PHACTR2: variants seen among roughly 807,000 people sequenced by gnomAD.
PHACTR2 encodes chromosome 6 open reading frame 56.
Under a neutral mutation model 76.0 loss-of-function variants are expected in PHACTR2, and 30 were observed. The ratio of observed to expected loss-of-function variants is 0.39; its 90% CI spans 0.30 to 0.54. The LOEUF is 0.54. Among genes scored for constraint, PHACTR2 ranks in the 20% least tolerant of loss-of-function variants. The pLI, the probability that PHACTR2 is intolerant of heterozygous loss-of-function variation, is 0.61. For synonymous variants in PHACTR2, 292 were observed against 292.5 expected, an observed-to-expected ratio of 1.00 and a Z score of 0.02; for missense variants, 696 against 781.1, an observed-to-expected ratio of 0.89 and a Z score of 1.30.
intron 1 of PHACTR2, among the ~76,000 whole-genome samples, chr6:143,630,147 A>T (rs1363416051): frequency 1.3e-5 from 2 of 151,438 alleles, no homozygotes; most frequent in Non-Finnish European, 2.9e-5. Context: ...CATAATTATA[A>T]TTCATAATAT....
rs1456133154 is a variant in PHACTR2 at position 143,782,747 on chromosome 6, A to G, written c.1646-472A>G. Among the ~76,000 whole-genome samples, 1 of 152,222 alleles carries G rather than the reference A, an allele frequency of 6.6e-6. No individual in the cohort carries two copies. The highest frequency in any genetic ancestry group is 6.5e-5 in the Admixed American group (1 of 15,284). On this transcript the variant is annotated intron_variant, in intron 9 of 12. Transcript: ENST00000440869. The surrounding 1 kb of genome is among the most constrained non-coding windows in gnomAD (Gnocchi z 4.6). ...ATATTTTGGTTGGATTTGAGTGGAA[A>G]TCAGCAGCTCAGACATGCATCGGAT... is the stretch of plus-strand genomic sequence containing the variant.
rs1034287254 is a variant in PHACTR2 at position 143,689,075 on chromosome 6, G to A, written c.46+10866G>A. ...TCAGTCCCACCCATGGACCTTGGCCGTTGCTGCACCCTGTTTGAGACACTC... is the reference window on the plus strand; with the variant it reads ...TCAGTCCCACCCATGGACCTTGGCCATTGCTGCACCCTGTTTGAGACACTC... On this transcript the variant is annotated intron_variant, in intron 1 of 12. Coordinates refer to ENST00000440869, the MANE Select transcript of PHACTR2 (RefSeq NM_001100164.2). This position sits in a 1 kb window ranked among gnomAD's most constrained non-coding sequence, Gnocchi z 4.4. 1.3e-5 allele frequency among the ~76,000 whole-genome samples: 2 copies of A among 152,046 alleles called. No homozygotes were observed. The highest frequency in any genetic ancestry group is 2.9e-5 in the Non-Finnish European group (2 of 68,006).
intron 1 of PHACTR2, among the ~76,000 whole-genome samples, chr6:143,636,400 T>A (rs1218092841): frequency 1.3e-5 from 2 of 152,208 alleles, no homozygotes; most frequent in Non-Finnish European, 2.9e-5. Context: ...AATTTTCTGA[T>A]TCATTTGAAG....
At chr6:143,577,522 G>A (rs911615673) in intron 1 of PHACTR2, among the ~76,000 whole-genome samples, 3 of 152,194 alleles carry the variant, frequency 2.0e-5, no homozygotes, top group Non-Finnish European at 4.4e-5. Context: ...CAGGAGAAAT[G>A]TGATGAGCAG....
intron 1 of PHACTR2, among the ~76,000 whole-genome samples, chr6:143,685,030 T>C (rs141835018): frequency 9.9e-5 from 15 of 152,270 alleles, no homozygotes; most frequent in Admixed American, 9.8e-4. Context: ...ATGTCTATCA[T>C]ATATTTTAAC....
chr6:143,587,550 C>G (rs9496684), intron 1 of PHACTR2, among the ~76,000 whole-genome samples: 7 of 151,798 alleles, frequency 4.6e-5, no homozygotes. Flanking sequence ...ATTCTTGGGG[C>G]AAGTGGAATG....
chr6:143,734,251 C>G (rs1158877491), intron 2 of PHACTR2, among the ~76,000 whole-genome samples: 1 of 152,116 alleles, frequency 6.6e-6, no homozygotes, highest in Non-Finnish European at 1.5e-5. Context: ...TTAGAATAGC[C>G]CAGCTGCACA....
At chr6:143,665,993 G>C (rs1562263427) in intron 1 of PHACTR2, among the ~76,000 whole-genome samples, 1 of 152,062 alleles carries the variant, frequency 6.6e-6, no homozygotes, top group Non-Finnish European at 1.5e-5. Context: ...ATCTACATTA[G>C]GTATTTATCC....
intron 2 of PHACTR2, among the ~76,000 whole-genome samples, chr6:143,729,357 C>A (rs928701746): frequency 4.6e-5 from 7 of 152,096 alleles, no homozygotes; most frequent in Non-Finnish European, 1.0e-4. Context: ...ATGAAATCCA[C>A]CGTATCAGCT....
rs1775034736 is a variant in PHACTR2 at position 143,548,062 on chromosome 6, C to A, written c.217+10855C>A. 6.6e-6 allele frequency among the ~76,000 whole-genome samples: 1 copy of A among 152,086 alleles called. No individual in the cohort carries two copies. Among genetic ancestry groups the A allele is most frequent in the African/African-American group, 2.4e-5 (1 of 41,418 alleles). Reference sequence around the variant, plus strand: ...GCTTATAAATAAGAGAAGTTTATTTCTCTTATTATGTCTCACAGTTCTGGA... The same window carrying A: ...GCTTATAAATAAGAGAAGTTTATTTATCTTATTATGTCTCACAGTTCTGGA... On this transcript the variant is annotated intron_variant, in intron 1 of 11. Coordinates refer to the PHACTR2 transcript ENST00000367584. This position sits in a 1 kb window ranked among gnomAD's most constrained non-coding sequence, Gnocchi z 4.5.
rs577904476 is a variant in PHACTR2, at chr6:143,654,141, A to G, written c.13+45819A>G. ...GCATCATTAACCATCAGGGAAATAC[A>G]AATCAAAACCACAAGAGACCACTTT... On this transcript the variant is annotated intron_variant, in intron 1 of 11. Coordinates refer to the PHACTR2 transcript ENST00000305766. The surrounding 1 kb of genome is among the most constrained non-coding windows in gnomAD (Gnocchi z 4.6). Among the ~76,000 whole-genome samples, 22 of 152,388 alleles carry G rather than the reference A, an allele frequency of 1.4e-4. No homozygotes were observed. Among genetic ancestry groups the G allele is most frequent in the African/African-American group, 5.3e-4 (22 of 41,600 alleles).
At position 143,580,556 on chromosome 6, in the gene PHACTR2, C is replaced by T. The variant is rs971033701; in HGVS notation, c.217+43349C>T. ...GGCGTGGTGGCACACACCTGTAATC[C>T]CAGCTACTTGGGAGGCTGAGGCAGG... On this transcript the variant is annotated intron_variant, in intron 1 of 11. Coordinates refer to the PHACTR2 transcript ENST00000367584. The surrounding 1 kb of genome is among the most constrained non-coding windows in gnomAD (Gnocchi z 4.2). 1.3e-5 allele frequency among the ~76,000 whole-genome samples: 2 copies of T among 151,992 alleles called. No homozygotes were observed. Among genetic ancestry groups the T allele is most frequent in the African/African-American group, 4.8e-5 (2 of 41,380 alleles).
rs1007642128 is a variant in PHACTR2, at chr6:143,819,436, T to C, written c.1923-4238T>C. Among the ~76,000 whole-genome samples, 16 of 152,266 alleles carry C rather than the reference T, an allele frequency of 1.1e-4. No individual in the cohort carries two copies. Among genetic ancestry groups the C allele is most frequent in the Admixed American group, 1.0e-3 (16 of 15,290 alleles). On this transcript the variant is annotated intron_variant, in intron 12 of 12. Transcript: ENST00000440869. This position sits in a 1 kb window ranked among gnomAD's most constrained non-coding sequence, Gnocchi z 5.0. ...ACAAAACCAATAAGATATATGTATA[T>C]AGATATATGAGAGGGGATTTATTAG...
At position 143,761,244 on chromosome 6, in the gene PHACTR2, T is replaced by C. The variant is rs1258678464; in HGVS notation, c.694+604T>C. ...CACTCTCAGTGTTCCACACCTCCCC[T>C]GTAGACTTGTGTGTTCTAAGGCAAA... is the stretch of plus-strand genomic sequence containing the variant. On this transcript the variant is annotated intron_variant, in intron 5 of 12. Coordinates refer to ENST00000440869, the MANE Select transcript of PHACTR2 (RefSeq NM_001100164.2). This position sits in a 1 kb window ranked among gnomAD's most constrained non-coding sequence, Gnocchi z 5.2. Among the ~76,000 whole-genome samples, 2 of 152,210 alleles carry C rather than the reference T, an allele frequency of 1.3e-5. No homozygotes were observed. Among genetic ancestry groups the C allele is most frequent in the Non-Finnish European group, 1.5e-5 (1 of 68,028 alleles).
chr6:143,666,888 C>T (rs964516213), intron 1 of PHACTR2, among the ~76,000 whole-genome samples: 1 of 152,180 alleles, frequency 6.6e-6, no homozygotes, highest in South Asian at 2.1e-4. Flanking sequence ...TTAATTAGAT[C>T]CCATTTGTCA....
chr6:143,771,213 T>TATAC (rs1562300929), intron 6 of PHACTR2, among the ~76,000 whole-genome samples: 5 of 98,146 alleles, frequency 5.1e-5, no homozygotes, highest in African/African-American at 2.3e-4. Context: ...TATATATATA[T>TATAC]ATATATATAT....
In PHACTR2 at chr6:143,678,244, C is replaced by T; in HGVS notation, c.46+35C>T. On this transcript the variant is annotated intron_variant, in intron 1 of 12. Transcript: ENST00000440869. This position sits in a 1 kb window ranked among gnomAD's most constrained non-coding sequence, Gnocchi z 6.2. ...GGGCGCACGCGATGCGCTCCCGCCG[C>T]GCGGGCGCAGGGCTGGCGGCGGGGC... 6.9e-7 allele frequency: 1 copy of T among 1,459,424 alleles called. No homozygotes were observed. The highest frequency in any genetic ancestry group is 9.0e-7 in the Non-Finnish European group (1 of 1,107,342). 90.4% of individuals were successfully genotyped at this position (1,459,424 alleles called of 1,614,324 possible).
rs866626934 is a variant in PHACTR2 at position 143,790,743 on chromosome 6, A to G, written c.1845+1833A>G. On this transcript the variant is annotated intron_variant, in intron 11 of 12. Transcript: ENST00000440869. ...GGCTGGAGTGCTGTGGCTCGATCTC[A>G]GCTCACTGCAAGCTCCACCTCCTGT... Among the ~76,000 whole-genome samples the G allele has an allele frequency of 8.7e-5, 13 of 148,596 alleles. No individual in the cohort carries two copies. In the South Asian group the frequency reaches 1.1e-3, roughly 12 times the overall value.
chr6:143,674,442 C>T (rs561775564), upstream of PHACTR2, among the ~76,000 whole-genome samples: 2 of 152,220 alleles, frequency 1.3e-5, no homozygotes, highest in Non-Finnish European at 2.9e-5. The surrounding 1 kb of genome is among the most constrained non-coding windows in gnomAD (Gnocchi z 4.9). Context: ...TGCTACAATT[C>T]CCATTAGCCA....
Sources: allele counts gnomAD v4.1 joint callset (sites outside exome capture counted in the v4.1 genomes callset), GRCh38; gene constraint gnomAD v4.1.1; non-coding constraint Gnocchi (gnomAD v3.1); transcripts MANE v1.5; gene names NCBI Gene and HGNC (gene_info 2026-07-23, HGNC 2026-07-21).